Variants in TAFA1 observed in about 807,000 individuals in gnomAD.
The protein encoded by TAFA1 is TAFA chemokine like family member 1, also known as chemokine-like protein TAFA-1.
A neutral mutation model predicts 18.5 loss-of-function variants in TAFA1; 4 were observed. The observed-to-expected ratio is 0.22, with a 90% confidence interval of 0.11 to 0.49. The LOEUF is 0.49. Among genes scored for constraint, TAFA1 ranks in the 20% least tolerant of loss-of-function variants. TAFA1 has a pLI of 0.98. For missense variants in TAFA1, 147 were observed against 169.0 expected (o/e 0.87, Z 0.72); for synonymous variants, 56 against 55.2 (o/e 1.01, Z -0.06).
intron 2 of TAFA1, among the ~76,000 whole-genome samples, chr3:68,092,316 A>G (rs554390821): frequency 6.6e-6 from 1 of 152,274 alleles, no homozygotes; most frequent in East Asian, 1.9e-4. Flanking sequence ...AAATGTAAAT[A>G]TACCTGAAGA....
At chr3:68,346,393 C>T (rs113178383) in intron 2 of TAFA1, among the ~76,000 whole-genome samples, 5 of 152,046 alleles carry the variant, frequency 3.3e-5, no homozygotes, top group African/African-American at 9.6e-5. Flanking sequence ...CCTGGGCTCA[C>T]GCAATCCACC....
intron 2 of TAFA1, among the ~76,000 whole-genome samples, chr3:68,212,901 T>C (rs534279253): frequency 2.0e-5 from 3 of 152,150 alleles, no homozygotes; most frequent in East Asian, 1.9e-4. Context: ...CTGGGTGGGA[T>C]TGTAGCCCAC....
intron 2 of TAFA1, among the ~76,000 whole-genome samples, chr3:68,307,882 A>C (rs1456896905): frequency 6.6e-6 from 1 of 152,184 alleles, no homozygotes; most frequent in Non-Finnish European, 1.5e-5. Flanking sequence ...ATCAGTGTGC[A>C]AGAGACTCAT....
chr3:68,393,781 G>A (rs1301605925), intron 2 of TAFA1, among the ~76,000 whole-genome samples: 6 of 151,774 alleles, frequency 4.0e-5, no homozygotes, highest in African/African-American at 1.2e-4. Flanking sequence ...TATCTCAATA[G>A]ATGCAAAAAA....
chr3:68,422,432 A>G (rs2070973348), intron 3 of TAFA1, among the ~76,000 whole-genome samples: 1 of 152,078 alleles, frequency 6.6e-6, no homozygotes. Flanking sequence ...TGAATTTCCC[A>G]TGGTAAGTGT....
intron 2 of TAFA1, among the ~76,000 whole-genome samples, chr3:68,105,006 A>G (rs2065188346): frequency 2.0e-5 from 3 of 152,150 alleles, no homozygotes; most frequent in Non-Finnish European, 4.4e-5. Flanking sequence ...CCTCAGGAAG[A>G]TTCCAGTCAT....
chr3:68,470,903 A>C (rs1359807887), intron 3 of TAFA1, among the ~76,000 whole-genome samples: 5 of 152,206 alleles, frequency 3.3e-5, no homozygotes, highest in African/African-American at 1.2e-4. Context: ...TCTCCAGGTC[A>C]TGTCTGAGAC....
the TAFA1 span, among the ~76,000 whole-genome samples, chr3:67,998,256 C>T: frequency 0.04 from 6,092 of 152,054 alleles, 376 homozygotes; most frequent in African/African-American, 0.14. Flanking sequence ...TTATTTTATA[C>T]GTAGGAAGAA....
chr3:68,280,631 C>T (rs2067881749), intron 2 of TAFA1, among the ~76,000 whole-genome samples: 1 of 151,772 alleles, frequency 6.6e-6, no homozygotes, highest in African/African-American at 2.4e-5. Context: ...TTTTTTCCCC[C>T]TTCTGCACAG....
chr3:68,138,356 G>C (rs1269904165), intron 2 of TAFA1, among the ~76,000 whole-genome samples: 1 of 152,152 alleles, frequency 6.6e-6, no homozygotes, highest in Admixed American at 6.6e-5. Context: ...CAAGGCAAAA[G>C]TCACCAGGAG....
At chr3:68,120,237 CTTTCTTTCTTT>C (rs2065380724) in intron 2 of TAFA1, among the ~76,000 whole-genome samples, 6 of 100,600 alleles carry the variant, frequency 6.0e-5, no homozygotes, top group African/African-American at 1.6e-4. Context: ...TTCTTTCTTT[CTTTCTTTCTTT>C]CTTTCTTTCT....
chr3:68,288,781 C>T (rs2068061434), intron 2 of TAFA1, among the ~76,000 whole-genome samples: 1 of 152,282 alleles, frequency 6.6e-6, no homozygotes, highest in South Asian at 2.1e-4. Flanking sequence ...ATGACTGTTT[C>T]ATGATATGGG....
chr3:68,504,195 T>C (rs1350107347), intron 3 of TAFA1, among the ~76,000 whole-genome samples: 1 of 152,174 alleles, frequency 6.6e-6, no homozygotes, highest in African/African-American at 2.4e-5. Flanking sequence ...GTCGTAAACA[T>C]TATTCCATAA....
intron 2 of TAFA1, among the ~76,000 whole-genome samples, chr3:68,400,451 G>C (rs2070465326): frequency 6.6e-6 from 1 of 152,244 alleles, no homozygotes; most frequent in Non-Finnish European, 1.5e-5. Context: ...TACATACAAT[G>C]AAGATTCTCA....
At chr3:68,521,022 G>T (rs907546795) in intron 3 of TAFA1, among the ~76,000 whole-genome samples, 1 of 152,150 alleles carries the variant, frequency 6.6e-6, no homozygotes, top group African/African-American at 2.4e-5. Flanking sequence ...AATAAGAATT[G>T]ATTTTTTCCT....
chr3:68,079,550 C>T (rs1457323521), intron 2 of TAFA1, among the ~76,000 whole-genome samples: 5 of 152,038 alleles, frequency 3.3e-5, no homozygotes, highest in Non-Finnish European at 5.9e-5. Flanking sequence ...ATCTTTATTT[C>T]TGCCTTCATT....
At chr3:68,393,936 C>G (rs887432975) in intron 2 of TAFA1, among the ~76,000 whole-genome samples, 1 of 152,128 alleles carries the variant, frequency 6.6e-6, no homozygotes, top group African/African-American at 2.4e-5. Flanking sequence ...TGGAAGCATT[C>G]CCTTTGAAAA....
At chr3:68,082,612 T>C (rs1322705452) in intron 2 of TAFA1, among the ~76,000 whole-genome samples, 1 of 152,236 alleles carries the variant, frequency 6.6e-6, no homozygotes, top group Non-Finnish European at 1.5e-5. Context: ...GAGTTTAAGT[T>C]AGTACCAAAG....
At chr3:68,088,925 C>T (rs2065001523) in intron 2 of TAFA1, among the ~76,000 whole-genome samples, 1 of 152,014 alleles carries the variant, frequency 6.6e-6, no homozygotes, top group Admixed American at 6.6e-5. Context: ...ATCGGACATG[C>T]TGGTAACTAG....
Sources: gnomAD v4.1 joint callset for allele counts (sites outside exome capture counted in the v4.1 genomes callset) on GRCh38, gnomAD v4.1.1 for gene constraint, MANE v1.5 for transcripts, NCBI Gene and HGNC (gene_info 2026-07-23, HGNC 2026-07-21) for gene names.